Variants in NT5C2 observed in about 807,000 individuals in gnomAD.
The protein encoded by NT5C2 is 5'-nucleotidase, cytosolic II.
A neutral mutation model predicts 76.1 loss-of-function variants in NT5C2; 58 were observed. The observed-to-expected ratio is 0.76, with a 90% CI of 0.62 to 0.95. NT5C2 has a LOEUF of 0.95. NT5C2 is among the 40% of genes least tolerant of loss of function. The probability of loss-of-function intolerance (pLI) is 0.00; values close to 1 mark genes in which losing one functional copy is unlikely to be tolerated. For synonymous variants in NT5C2, 229 were observed against 237.4 expected, an observed-to-expected ratio of 0.96 and a Z score of 0.32; for missense variants, 478 against 690.3, an observed-to-expected ratio of 0.69 and a Z score of 3.45.
intron 4 of NT5C2, among the ~76,000 whole-genome samples, chr10:103,126,714 G>T (rs2076730336): frequency 6.6e-6 from 1 of 152,168 alleles, no homozygotes; most frequent in Admixed American, 6.5e-5. Context: ...TTCTAAACAT[G>T]ACTTTCATAT....
At chr10:103,157,050 A>C (rs923677714) in intron 3 of NT5C2, among the ~76,000 whole-genome samples, 1 of 149,978 alleles carries the variant, frequency 6.7e-6, no homozygotes, top group African/African-American at 2.4e-5. Flanking sequence ...TTTTAAATGT[A>C]TATTACTCTT....
intron 4 of NT5C2, among the ~76,000 whole-genome samples, chr10:103,127,692 A>C (rs1185002515): frequency 6.6e-6 from 1 of 152,194 alleles, no homozygotes; most frequent in Non-Finnish European, 1.5e-5. Flanking sequence ...ACCCAGTAAC[A>C]CCTTTAGCAA....
intron 3 of NT5C2, among the ~76,000 whole-genome samples, chr10:103,151,458 T>C (rs1021855260): frequency 2.9e-5 from 4 of 137,718 alleles, no homozygotes; most frequent in Admixed American, 2.2e-4. Flanking sequence ...GAGTGAAACC[T>C]GTTCTTAAAA....
chr10:103,146,416 G>A, intron 3 of NT5C2: 1 of 985,290 alleles, frequency 1.0e-6, no homozygotes, highest in Non-Finnish European at 1.2e-6. Flanking sequence ...AAATCTTCTT[G>A]GGCATCTGTT....
chr10:103,122,183 A>G (rs1393930403), intron 4 of NT5C2, among the ~76,000 whole-genome samples: 1 of 152,226 alleles, frequency 6.6e-6, no homozygotes, highest in Non-Finnish European at 1.5e-5. Flanking sequence ...CAAAATAATA[A>G]TAATTCTAAC....
At chr10:103,184,261 T>C (rs1171608843) in intron 1 of NT5C2, among the ~76,000 whole-genome samples, 1 of 151,444 alleles carries the variant, frequency 6.6e-6, no homozygotes. Flanking sequence ...ACAAGTTTTT[T>C]TGTTTATTTT....
chr10:103,176,722 G>C (rs1026050519), intron 2 of NT5C2, among the ~76,000 whole-genome samples: 2 of 152,136 alleles, frequency 1.3e-5, no homozygotes, highest in African/African-American at 4.8e-5. Flanking sequence ...TGGCCAGGCT[G>C]GTCTCGAACT....
Position 103,094,380 on chromosome 10 carries a change from C to CA in NT5C2, c.888dup (p.Gly297TrpfsTer12), listed in dbSNP as rs774051692. On this transcript the variant is annotated frameshift_variant, in exon 13 of 19. Transcript: ENST00000404739. LOFTEE classifies it high-confidence loss of function. The stretch of plus-strand genomic sequence containing the variant: ...ACCTGACGCAGTACTGTGCCTTCTC[C>CA]AAAAAAGAGTGGTTTCCGTGCATCC... 6.2e-7 allele frequency: 1 copy of CA among 1,612,994 alleles called. No homozygotes were observed.
chr10:103,129,786 C>A (rs1284909517), intron 4 of NT5C2, among the ~76,000 whole-genome samples: 3 of 95,104 alleles, frequency 3.2e-5, no homozygotes, highest in African/African-American at 1.2e-4. Context: ...CCAGCCGCCC[C>A]GTCCGGGAGG....
At chr10:103,176,457 T>C (rs1262920620) in intron 2 of NT5C2, among the ~76,000 whole-genome samples, 2 of 152,138 alleles carry the variant, frequency 1.3e-5, no homozygotes, top group East Asian at 3.8e-4. Context: ...GCCAGAAGTG[T>C]GGTGCTTATA....
intron 4 of NT5C2, among the ~76,000 whole-genome samples, chr10:103,120,818 A>G (rs2075505525): frequency 6.6e-6 from 1 of 152,222 alleles, no homozygotes; most frequent in South Asian, 2.1e-4. Flanking sequence ...GAAAGCAGGA[A>G]GCAGGAACTC....
intron 3 of NT5C2, chr10:103,153,300 GACATTCTCAAAGATCT>G: frequency 7.8e-7 from 1 of 1,281,250 alleles, no homozygotes; most frequent in Non-Finnish European, 1.0e-6. Context: ...CCCTTCCTTA[GACATTCTCAAAGATCT>G]ACTTCCTCTG....
chr10:103,103,880 G>A (rs1343344217), intron 6 of NT5C2, among the ~76,000 whole-genome samples: 2 of 151,828 alleles, frequency 1.3e-5, no homozygotes, highest in African/African-American at 4.8e-5. Flanking sequence ...TTGAGATAGG[G>A]TCTTGCTCTG....
In NT5C2 at chr10:103,143,616, T is replaced by G. The variant is rs1200629549; in HGVS notation, c.102-4137A>C. Among the ~76,000 whole-genome samples the G allele has an allele frequency of 4.3e-5, 6 of 138,646 alleles. No individual in the cohort carries two copies. The East Asian group carries it at 6.2e-4, about 14-fold the overall frequency. The allele number at this position is 138,646 out of a possible 152,430, so 91.0% of individuals were successfully genotyped here. On this transcript the variant is annotated intron_variant, in intron 3 of 18. Transcript: ENST00000404739. The stretch of plus-strand genomic sequence containing the variant: ...CATGTCCAGCTATTTTTTTTTTTTT[T>G]TTTTTTTTTTTTTTTTGTAGAGATG...
intron 3 of NT5C2, among the ~76,000 whole-genome samples, chr10:103,142,611 T>C (rs1418136119): frequency 6.6e-6 from 1 of 151,860 alleles, no homozygotes; most frequent in Non-Finnish European, 1.5e-5. Context: ...GAAGTTGCAA[T>C]GAGCCAAGAT....
intron 3 of NT5C2, among the ~76,000 whole-genome samples, 165 bp downstream of exon 3, chr10:103,174,693 T>C (rs1331887274): frequency 6.6e-6 from 1 of 152,248 alleles, no homozygotes; most frequent in East Asian, 1.9e-4. Flanking sequence ...AGCAGTATGG[T>C]GTACTAGTAG....
Position 103,174,896 on chromosome 10 carries a change from C to A in NT5C2, c.63G>T (p.Lys21Asn). 6.2e-7 allele frequency: 1 copy of A among 1,613,716 alleles called. No individual in the cohort carries two copies. The highest frequency in any genetic ancestry group is 8.5e-7 in the Non-Finnish European group (1 of 1,179,760). The change falls in exon 3 of 19, where the codon AAG (lysine) becomes AAT (asparagine). Residue 21 changes from lysine to asparagine, a missense_variant. Physicochemically the swap from Lys to Asn is moderately conservative, Grantham distance 94. Coordinates refer to ENST00000404739, the MANE Select transcript of NT5C2 (RefSeq NM_001351169.2). ...CTCGACGATACTTTTTCAGGGCATG[C>A]TTATCCATGTTAGCAGGCATATCTG... ...NAADMPANMD[K>N]HALKKYRREA... is the part of the protein sequence containing the mutation.
chr10:103,118,909 A>G (rs1280910572), intron 4 of NT5C2, among the ~76,000 whole-genome samples: 1 of 150,876 alleles, frequency 6.6e-6, no homozygotes, highest in African/African-American at 2.4e-5. Flanking sequence ...ATTCTACCCT[A>G]TTTGTGGGGG....
intron 1 of NT5C2, among the ~76,000 whole-genome samples, chr10:103,183,272 T>TATAG (rs2091448092): frequency 8.5e-6 from 1 of 117,274 alleles, no homozygotes; most frequent in Non-Finnish European, 1.7e-5. Flanking sequence ...GATATATATA[T>TATAG]ATATATATAT....
Sources: gnomAD v4.1 joint callset for allele counts (sites outside exome capture counted in the v4.1 genomes callset) on GRCh38, gnomAD v4.1.1 for gene constraint, MANE v1.5 for transcripts, NCBI Gene and HGNC (gene_info 2026-07-23, HGNC 2026-07-21) for gene names.